Variants in ANO3 observed in about 807,000 individuals in gnomAD.
The protein encoded by ANO3 is anoctamin-3.
A neutral mutation model predicts 144.8 loss-of-function variants in ANO3; 99 were observed. The ratio of observed to expected loss-of-function variants is 0.68; its 90% confidence interval spans 0.58 to 0.81. ANO3 has a LOEUF of 0.81. ANO3 is among the 30% of genes least tolerant of loss of function. The pLI, the probability that ANO3 is intolerant of heterozygous loss-of-function variation, is 0.00. For synonymous variants in ANO3, 414 were observed against 392.6 expected (o/e 1.05, Z -0.64); for missense variants, 905 against 1,202.2 (o/e 0.75, Z 3.66).
intron 1 of ANO3, among the ~76,000 whole-genome samples, chr11:26,423,309 C>CTTTTTTTTTTTT (rs142064982): frequency 7.4e-6 from 1 of 135,172 alleles, no homozygotes. Flanking sequence ...TACCTTTATA[C>CTTTTTTTTTTTT]TTTTTTTTTT....
rs555600678 is a variant in ANO3 at position 26,408,310 on chromosome 11, C to T, written c.47-33608C>T. Among the ~76,000 whole-genome samples the T allele has an allele frequency of 2.7e-3, 413 of 151,400 alleles. 3 individuals are homozygous for T. Among genetic ancestry groups the T allele is most frequent in the African/African-American group, 8.5e-3 (351 of 41,312 alleles). On this transcript the variant is annotated intron_variant, in intron 1 of 26. Transcript: ENST00000256737. The stretch of plus-strand genomic sequence containing the variant: ...ACAAACAACCCCATCAAAAAGTGGG[C>T]GAAGGATATGAACAGACACTTCTCA...
At chr11:26,430,363 T>C (rs1858050150) in intron 1 of ANO3, among the ~76,000 whole-genome samples, 1 of 152,034 alleles carries the variant, frequency 6.6e-6, no homozygotes, top group Non-Finnish European at 1.5e-5. Flanking sequence ...TCCTTGCAAA[T>C]GATCTTCTAC....
chr11:26,519,467 A>C (rs117717376), intron 6 of ANO3, among the ~76,000 whole-genome samples: 16,739 of 152,198 alleles, frequency 0.11, 1,288 homozygotes, highest in Admixed American at 0.15. Flanking sequence ...CAGTGTCTTG[A>C]TTGGTTTGGG....
At chr11:26,581,427 G>A (rs749987237) in intron 14 of ANO3, among the ~76,000 whole-genome samples, 8 of 151,696 alleles carry the variant, frequency 5.3e-5, no homozygotes, top group Admixed American at 1.3e-4. Context: ...CTTGGTTCAC[G>A]CCTGTAATCC....
At chr11:26,519,945 T>C (rs1590450777) in intron 6 of ANO3, among the ~76,000 whole-genome samples, 1 of 152,036 alleles carries the variant, frequency 6.6e-6, no homozygotes, top group East Asian at 1.9e-4. Flanking sequence ...ATCATATTGC[T>C]CTTTCCACCA....
chr11:26,614,222 A>C (rs970531823), intron 17 of ANO3, among the ~76,000 whole-genome samples: 1 of 152,164 alleles, frequency 6.6e-6, no homozygotes, highest in African/African-American at 2.4e-5. Flanking sequence ...AGGTATAAGC[A>C]CTCACAGGGT....
At chr11:26,195,482 G>T (rs1453836025) in intron 1 of ANO3, among the ~76,000 whole-genome samples, 2 of 152,192 alleles carry the variant, frequency 1.3e-5, no homozygotes, top group Non-Finnish European at 2.9e-5. Flanking sequence ...CTTTAGAAAT[G>T]AGATGCCTTC....
intron 20 of ANO3, among the ~76,000 whole-genome samples, chr11:26,638,391 A>C (rs1172097355): frequency 5.9e-5 from 9 of 152,238 alleles, no homozygotes; most frequent in African/African-American, 2.2e-4. Context: ...TGGTCTAAAC[A>C]TAAGAAAAAC....
At chr11:26,523,326 T>A (rs938614606) in intron 6 of ANO3, among the ~76,000 whole-genome samples, 2 of 152,188 alleles carry the variant, frequency 1.3e-5, no homozygotes, top group African/African-American at 4.8e-5. Flanking sequence ...CACCTGGTAA[T>A]TGGGCTGTTA....
intron 1 of ANO3, among the ~76,000 whole-genome samples, chr11:26,360,095 G>T: frequency 6.6e-6 from 1 of 150,630 alleles, no homozygotes; most frequent in Admixed American, 6.6e-5. Flanking sequence ...AAATCTTCTA[G>T]TGTTTTTTAA....
rs370867647 is a variant in ANO3, at chr11:26,509,417, G to A, written c.591+1155G>A. Among the ~76,000 whole-genome samples the A allele has an allele frequency of 1.4e-4, 21 of 152,062 alleles. No individual in the cohort carries two copies. The East Asian group carries it at 1.6e-3, about 11-fold the overall frequency. ...TGCAACCTCTGCCTCCCGGGCTCAA[G>A]CAATTCTGCCTCAGCCTCCCAAGTA... On this transcript the variant is annotated intron_variant, in intron 5 of 26. Transcript: ENST00000256737.
At chr11:26,429,103 A>G (rs1419477900) in intron 1 of ANO3, among the ~76,000 whole-genome samples, 2 of 151,976 alleles carry the variant, frequency 1.3e-5, no homozygotes, top group Admixed American at 6.6e-5. Flanking sequence ...GGTGCTGGTA[A>G]GCGCAATTCA....
At chr11:26,622,025 A>T (rs892205626) in intron 17 of ANO3, among the ~76,000 whole-genome samples, 1 of 152,116 alleles carries the variant, frequency 6.6e-6, no homozygotes, top group Non-Finnish European at 1.5e-5. Context: ...ATACAGTTGG[A>T]TATATTTAAA....
chr11:26,451,836 C>T (rs1858952922), intron 3 of ANO3, among the ~76,000 whole-genome samples: 1 of 152,210 alleles, frequency 6.6e-6, no homozygotes. Flanking sequence ...GAGACACCCC[C>T]TAGTAGGGGC....
At chr11:26,342,140 A>G (rs1855378656) in intron 1 of ANO3, among the ~76,000 whole-genome samples, 1 of 152,202 alleles carries the variant, frequency 6.6e-6, no homozygotes, top group Non-Finnish European at 1.5e-5. Context: ...ATCAGAGTTC[A>G]GGGTGACACA....
chr11:26,374,744 T>TTTTTG (rs983482704), intron 1 of ANO3, among the ~76,000 whole-genome samples: 5 of 152,176 alleles, frequency 3.3e-5, no homozygotes, highest in Admixed American at 6.5e-5. Flanking sequence ...GTGCACTTTC[T>TTTTTG]TTTTGTTTTG....
At chr11:26,548,506 A>T (rs1271876823) in intron 12 of ANO3, among the ~76,000 whole-genome samples, 1 of 151,976 alleles carries the variant, frequency 6.6e-6, no homozygotes, top group Non-Finnish European at 1.5e-5. Flanking sequence ...TGAACATGAC[A>T]GTTAATGCTA....
chr11:26,644,873 G>A (rs950617563), intron 23 of ANO3, among the ~76,000 whole-genome samples: 20 of 150,072 alleles, frequency 1.3e-4, no homozygotes, highest in African/African-American at 3.7e-4. Flanking sequence ...TACTATAACT[G>A]TGTGTATAAA....
intron 1 of ANO3, among the ~76,000 whole-genome samples, chr11:26,209,331 T>C (rs1325321745): frequency 6.6e-6 from 1 of 152,214 alleles, no homozygotes; most frequent in African/African-American, 2.4e-5. Context: ...AACTCATCTT[T>C]TTTATGGCTG....
Sources: gnomAD v4.1 joint callset for allele counts (sites outside exome capture counted in the v4.1 genomes callset) on GRCh38, gnomAD v4.1.1 for gene constraint, MANE v1.5 for transcripts, NCBI Gene and HGNC (gene_info 2026-07-23, HGNC 2026-07-21) for gene names.